The following GCSAML variants were observed in gnomAD, a reference collection of about 807,000 sequenced individuals.
The protein encoded by GCSAML is germinal center associated signaling and motility like.
Under a neutral mutation model 13.0 loss-of-function variants are expected in GCSAML, and 9 were observed. The ratio of observed to expected loss-of-function variants is 0.69; its 90% CI spans 0.42 to 1.21. GCSAML has a LOEUF of 1.21. GCSAML is among the 50% of genes most tolerant of loss of function. The pLI is 0.00. For synonymous variants in GCSAML, 37 were observed against 52.9 expected, an observed-to-expected ratio of 0.70 and a Z score of 1.31; for missense variants, 143 against 153.4, an observed-to-expected ratio of 0.93 and a Z score of 0.36.
chr1:247,542,839 A>G (rs1050634893), intron 2 of GCSAML, among the ~76,000 whole-genome samples: 1 of 152,252 alleles, frequency 6.6e-6, no homozygotes, highest in African/African-American at 2.4e-5. Context: ...CAAGAAGAAT[A>G]TGTAAAATAC....
intron 1 of GCSAML, among the ~76,000 whole-genome samples, chr1:247,520,436 C>T (rs919679974): frequency 6.6e-6 from 1 of 152,154 alleles, no homozygotes; most frequent in African/African-American, 2.4e-5. Flanking sequence ...ATCAACTTTT[C>T]TCAGAGTCTC....
intron 1 of GCSAML, chr1:247,525,481 A>G (rs889949061): frequency 2.6e-5 from 4 of 152,272 alleles, no homozygotes; most frequent in Non-Finnish European, 5.9e-5. Flanking sequence ...AGCAGCCCAC[A>G]GAACTCATGG....
intron 4 of GCSAML, among the ~76,000 whole-genome samples, chr1:247,571,359 A>G (rs1029885228): frequency 2.0e-5 from 3 of 152,158 alleles, no homozygotes; most frequent in African/African-American, 7.2e-5. Flanking sequence ...TTGTATATTT[A>G]GTGCTTCCTT....
At chr1:247,515,686 AGCAGGAGCCTGGGGAGGT>A (rs1222593687) in intron 1 of GCSAML, among the ~76,000 whole-genome samples, 6 of 152,188 alleles carry the variant, frequency 3.9e-5, no homozygotes, top group Non-Finnish European at 7.3e-5. Flanking sequence ...ACCATGGTGG[AGCAGGAGCCTGGGGAGGT>A]GCCACACACT....
At position 247,574,280 on chromosome 1, in the gene GCSAML, T is replaced by A. The variant is rs762934016; in HGVS notation, c.306T>A (p.Phe102Leu). Residue 102 changes from phenylalanine (F) to leucine (L), a missense_variant, in exon 5 of 5, where the codon TTT becomes TTA. Phe to Leu is a conservative substitution (Grantham distance 22). Coordinates refer to ENST00000366488, the MANE Select transcript of GCSAML (RefSeq NM_145278.5). ...CCCTCACAAGGAAAGTGAGACAGTTTAGAGAAAGGTCAGAGACAGAATATG... is the reference window on the plus strand; with the variant it reads ...CCCTCACAAGGAAAGTGAGACAGTTAAGAGAAAGGTCAGAGACAGAATATG... ...IDSLTRKVRQFRERSETEYAL... is the reference protein window; with the variant it reads ...IDSLTRKVRQLRERSETEYAL... 6 of 1,614,108 alleles carry A rather than the reference T, an allele frequency of 3.7e-6. No individual in the cohort carries two copies. In the East Asian group the frequency reaches 1.3e-4, roughly 36 times the overall value.
At chr1:247,550,255 G>T (rs1443733503) in intron 1 of GCSAML, among the ~76,000 whole-genome samples, 2 of 152,130 alleles carry the variant, frequency 1.3e-5, no homozygotes, top group East Asian at 3.8e-4. Context: ...ACACCTGATG[G>T]TTCATACCGT....
At chr1:247,547,708 G>A (rs1333451029), upstream of GCSAML, among the ~76,000 whole-genome samples, 4 of 152,174 alleles carry the variant, frequency 2.6e-5, no homozygotes, top group African/African-American at 7.2e-5. Flanking sequence ...CAGCAATGGC[G>A]GAACACGCTT....
chr1:247,520,350 G>T (rs758089566), intron 1 of GCSAML, among the ~76,000 whole-genome samples: 1 of 152,160 alleles, frequency 6.6e-6, no homozygotes, highest in Non-Finnish European at 1.5e-5. Flanking sequence ...TCAGTTGAAG[G>T]CCTTAAGAGA....
chr1:247,537,641 C>G (rs1039327578), intron 2 of GCSAML, among the ~76,000 whole-genome samples: 1 of 152,194 alleles, frequency 6.6e-6, no homozygotes, highest in Non-Finnish European at 1.5e-5. Context: ...TAATCACCAG[C>G]ACTTGTTATT....
At chr1:247,528,527 C>T (rs1666778964) in intron 2 of GCSAML, 1 of 152,174 alleles carries the variant, frequency 6.6e-6, no homozygotes, top group Non-Finnish European at 1.5e-5. Context: ...AAGGAAAAAG[C>T]ATGGGCCAGT....
chr1:247,537,041 A>C (rs931935870), intron 2 of GCSAML, among the ~76,000 whole-genome samples: 1 of 152,194 alleles, frequency 6.6e-6, no homozygotes, highest in Non-Finnish European at 1.5e-5. Flanking sequence ...TTCTTTCACA[A>C]GACTGTACCA....
At chr1:247,546,582 C>T (rs139786683), upstream of GCSAML, among the ~76,000 whole-genome samples, 663 of 152,016 alleles carry the variant, frequency 4.4e-3, 4 homozygotes, top group African/African-American at 0.014. Flanking sequence ...AGGATGGTCT[C>T]AATTTCCTGA....
At chr1:247,551,080 G>A (rs912183906) in intron 1 of GCSAML, among the ~76,000 whole-genome samples, 3 of 152,130 alleles carry the variant, frequency 2.0e-5, no homozygotes, top group Non-Finnish European at 2.9e-5. Context: ...CAAGTCATCC[G>A]TCATTTCCAT....
chr1:247,509,761 A>G (rs563355795), intron 1 of GCSAML, among the ~76,000 whole-genome samples: 41 of 152,084 alleles, frequency 2.7e-4, no homozygotes, highest in Non-Finnish European at 5.0e-4. Flanking sequence ...TTAGATAATC[A>G]TGTGGTTTTT....
At chr1:247,534,946 A>G (rs941333103) in intron 2 of GCSAML, among the ~76,000 whole-genome samples, 2 of 152,200 alleles carry the variant, frequency 1.3e-5, no homozygotes, top group Admixed American at 1.3e-4. Flanking sequence ...TCTGGCCTGC[A>G]TATAGTAGGC....
chr1:247,535,082 TG>T (rs1439698533), intron 2 of GCSAML, among the ~76,000 whole-genome samples: 4 of 151,446 alleles, frequency 2.6e-5, no homozygotes, highest in South Asian at 2.1e-4. Flanking sequence ...GAGGCTGAAG[TG>T]GGGGGAATCA....
chr1:247,541,842 T>C (rs1046023643), intron 2 of GCSAML, among the ~76,000 whole-genome samples: 1 of 151,702 alleles, frequency 6.6e-6, no homozygotes, highest in African/African-American at 2.4e-5. Flanking sequence ...AAAACCTGTC[T>C]CTACAAAAAA....
chr1:247,567,162 T>C (rs1668412613), intron 4 of GCSAML, among the ~76,000 whole-genome samples: 1 of 151,212 alleles, frequency 6.6e-6, no homozygotes, highest in Non-Finnish European at 1.5e-5. Context: ...TATTATTTAT[T>C]TATTTATTTA....
At chr1:247,537,977 A>C (rs1667279033) in intron 2 of GCSAML, among the ~76,000 whole-genome samples, 1 of 152,138 alleles carries the variant, frequency 6.6e-6, no homozygotes, top group African/African-American at 2.4e-5. Flanking sequence ...TTTGATGAAC[A>C]AAAGTTTCTA....
Sources: gnomAD v4.1 joint callset for allele counts (sites outside exome capture counted in the v4.1 genomes callset) on GRCh38, gnomAD v4.1.1 for gene constraint, MANE v1.5 for transcripts, NCBI Gene and HGNC (gene_info 2026-07-23, HGNC 2026-07-21) for gene names.